The following PRKCG variants were observed in gnomAD, a reference collection of about 807,000 sequenced individuals.
PRKCG encodes the protein protein kinase C gamma type.
Under a neutral mutation model 82.0 loss-of-function variants are expected in PRKCG, and 28 were observed. The observed-to-expected ratio is 0.34, with a 90% CI of 0.25 to 0.47. The LOEUF is 0.47. Among genes scored for constraint, PRKCG ranks in the 20% least tolerant of loss-of-function variants. The pLI is 1.00. For synonymous variants in PRKCG, 383 were observed against 376.6 expected (o/e 1.02, Z -0.20); for missense variants, 640 against 952.7 (o/e 0.67, Z 4.32).
intron 14 of PRKCG, 33 bp from the exon 15 acceptor site, chr19:53,903,040 G>T (rs747214794): frequency 1.3e-5 from 20 of 1,554,100 alleles, no homozygotes; most frequent in Non-Finnish European, 1.8e-5. Context: ...CCTAAAGAAC[G>T]CATCATGATT....
Position 53,906,099 on chromosome 19 carries a change from TC to T in PRKCG, c.1765-217del, listed in dbSNP as rs1599956093. On this transcript the variant is annotated intron_variant, in intron 16 of 17. Coordinates refer to ENST00000263431, the MANE Select transcript of PRKCG (RefSeq NM_002739.5). ...TCCTCCTCCTCCTTCTTCTTCTTCT[TC>T]TTCTTCTTCTTCTTCTTCTTTTCTT... Among the ~76,000 whole-genome samples the T allele has an allele frequency of 2.9e-4, 26 of 88,908 alleles. 2 individuals are homozygous for T. The highest frequency in any genetic ancestry group is 2.0e-3 in the South Asian group (5 of 2,564). 58.3% of individuals were successfully genotyped at this position (88,908 alleles called of 152,430 possible). A position where few individuals can be genotyped will look rare whatever the true frequency, so the allele number is the denominator to read the frequency against.
At chr19:53,901,882 C>A (rs1408548569) in intron 14 of PRKCG, among the ~76,000 whole-genome samples, 1 of 149,836 alleles carries the variant, frequency 6.7e-6, no homozygotes. Context: ...AGAAAAAGGG[C>A]AGGGTGAGAT....
In PRKCG at chr19:53,883,201, G is replaced by T. The variant is rs1353648132; in HGVS notation, c.202+7G>T. 1 of 1,613,966 alleles carries T rather than the reference G, an allele frequency of 6.2e-7. No homozygotes were observed. The highest frequency in any genetic ancestry group is 8.5e-7 in the Non-Finnish European group (1 of 1,179,978). On this transcript the variant is annotated splice_region_variant and intron_variant, in intron 2 of 17. Coordinates refer to ENST00000263431, the MANE Select transcript of PRKCG (RefSeq NM_002739.5). This position sits in a 1 kb window ranked among gnomAD's most constrained non-coding sequence, Gnocchi z 5.4. ...CAGGGCCTGCAATGTCAAGGTAAGA[G>T]CTGGGGACCGGGGCTCCTGGGACCC...
In PRKCG at chr19:53,893,402, C is replaced by T; in HGVS notation, c.939+11C>T. 6.2e-7 allele frequency: 1 copy of T among 1,612,634 alleles called. No individual in the cohort carries two copies. Among genetic ancestry groups the T allele is most frequent in the South Asian group, 1.1e-5 (1 of 91,070 alleles). Reference sequence around the variant, plus strand: ...CTGGAATTGTATGAGGTGAGTAGAACCAGGGCGTTGAATGGAGGCAGTTTT... The same window carrying T: ...CTGGAATTGTATGAGGTGAGTAGAATCAGGGCGTTGAATGGAGGCAGTTTT... On this transcript the variant is annotated intron_variant, in intron 9 of 17. Transcript: ENST00000263431.
intron 15 of PRKCG, among the ~76,000 whole-genome samples, chr19:53,903,768 C>G (rs1331481238): frequency 6.6e-6 from 1 of 152,116 alleles, no homozygotes; most frequent in Non-Finnish European, 1.5e-5. Context: ...CAAAAGAAAT[C>G]AATCATTTTG....
At chr19:53,894,561 G>A (rs2068704421) in intron 9 of PRKCG, among the ~76,000 whole-genome samples, 1 of 151,626 alleles carries the variant, frequency 6.6e-6, no homozygotes, top group South Asian at 2.1e-4. Context: ...CCAGATTCAA[G>A]TGATTCTCCT....
chr19:53,883,310 C>T lies in PRKCG; in HGVS notation c.202+116C>T, dbSNP rs1490304322. ...GTCCCCAGAGAGGCGCGGGGGAGCC[C>T]GGGGCGGGGGGTGTGGCAGAGACAC... On this transcript the variant is annotated intron_variant, in intron 2 of 17. Coordinates refer to ENST00000263431, the MANE Select transcript of PRKCG (RefSeq NM_002739.5). The surrounding 1 kb of genome is among the most constrained non-coding windows in gnomAD (Gnocchi z 5.4). The T allele has an allele frequency of 2.3e-6, 3 of 1,282,308 alleles. No homozygotes were observed. In the East Asian group the frequency reaches 7.1e-5, roughly 31 times the overall value. 79.4% of individuals were successfully genotyped at this position (1,282,308 alleles called of 1,614,324 possible). A position where few individuals can be genotyped will look rare whatever the true frequency, so the allele number is the denominator to read the frequency against.
In PRKCG at chr19:53,891,787, G is replaced by A; in HGVS notation, c.643G>A (p.Val215Met). The change falls in exon 6 of 18, where the codon GTG becomes ATG. Residue 215 changes from valine (V) to methionine (M), a missense_variant. Transcript: ENST00000263431. ...RNLTKQKTRT[V>M]KATLNPVWNE... ...CCTGACGAAACAGAAGACCCGAACGGTGAAAGCCACGCTAAACCCTGTGTG... is the reference window on the plus strand; with the variant it reads ...CCTGACGAAACAGAAGACCCGAACGATGAAAGCCACGCTAAACCCTGTGTG... The A allele has an allele frequency of 1.9e-6, 3 of 1,614,088 alleles. No individual in the cohort carries two copies. The highest frequency in any genetic ancestry group is 2.5e-6 in the Non-Finnish European group (3 of 1,180,016).
chr19:53,890,605 G>A (rs113387369), intron 5 of PRKCG, among the ~76,000 whole-genome samples: 2,866 of 151,020 alleles, frequency 0.019, 29 homozygotes, highest in Middle Eastern at 0.038. Flanking sequence ...TTTTTGAGAT[G>A]GAGTCTTGCT....
In PRKCG at chr19:53,900,295, G is replaced by C. The variant is rs1340803242; in HGVS notation, c.1344G>C (p.Gln448His). The C allele has an allele frequency of 6.2e-7, 1 of 1,614,172 alleles. No homozygotes were observed. The highest frequency in any genetic ancestry group is 1.7e-5 in the Admixed American group (1 of 60,024). ...TGGDLMYHIQ[Q>H]LGKFKEPHAA... The stretch of plus-strand genomic sequence containing the variant: ...GAGACTTGATGTACCACATTCAACA[G>C]CTGGGCAAGTTTAAGGAGCCCCATG... Residue 448 changes from glutamine (Q) to histidine (H), a missense_variant, in exon 12 of 18, where the codon CAG becomes CAC. By Grantham distance (24) the Gln-to-His change is conservative. This residue lies in a region of PRKCG where 78 missense variants were observed against 105.6 expected (regional missense o/e 0.74). Coordinates refer to ENST00000263431, the MANE Select transcript of PRKCG (RefSeq NM_002739.5). The surrounding 1 kb of genome is among the most constrained non-coding windows in gnomAD (Gnocchi z 4.2).
intron 16 of PRKCG, 58 bp from the exon 17 acceptor site, chr19:53,906,259 T>A: frequency 6.5e-7 from 1 of 1,548,506 alleles, no homozygotes; most frequent in Non-Finnish European, 8.7e-7. Flanking sequence ...TTTCTCTGGG[T>A]CTACCTGTCC....
chr19:53,906,313 A>T lies in PRKCG; in HGVS notation c.1765-4A>T. 5 of 1,550,448 alleles carry T rather than the reference A, an allele frequency of 3.2e-6. No homozygotes were observed. Among genetic ancestry groups the T allele is most frequent in the Non-Finnish European group, 4.4e-6 (5 of 1,146,734 alleles). The stretch of plus-strand genomic sequence containing the variant: ...CTGTCTGTCTCTCTCTGTGTTTCCC[A>T]CAGTTCCTGACCAAGCACCCAGGGA... On this transcript the variant is annotated splice_region_variant and splice_polypyrimidine_tract_variant and intron_variant, in intron 16 of 17. Coordinates refer to ENST00000263431, the MANE Select transcript of PRKCG (RefSeq NM_002739.5).
At chr19:53,897,095 A>G (rs1014777515) in intron 9 of PRKCG, among the ~76,000 whole-genome samples, 1 of 152,198 alleles carries the variant, frequency 6.6e-6, no homozygotes, top group African/African-American at 2.4e-5. Flanking sequence ...TGGCTGGACC[A>G]TGGAGCCTGG....
intron 17 of PRKCG, 58 bp from the exon 18 acceptor site, chr19:53,906,649 G>C: frequency 6.3e-7 from 1 of 1,589,532 alleles, no homozygotes. Context: ...GGTACACAGA[G>C]GGACACCCGA....
At chr19:53,903,233 AAGG>A (rs2068778237) in intron 15 of PRKCG, 80 bp downstream of exon 15, 1 of 1,120,720 alleles carries the variant, frequency 8.9e-7, no homozygotes. Flanking sequence ...GCCAGTTAGA[AAGG>A]AGCCCAGAAG....
At position 53,900,318 on chromosome 19, in the gene PRKCG, A is replaced by G. The variant is rs771892093; in HGVS notation, c.1367A>G (p.His456Arg). 2.5e-6 allele frequency: 4 copies of G among 1,613,982 alleles called. No individual in the cohort carries two copies. The highest frequency in any genetic ancestry group is 1.1e-5 in the South Asian group (1 of 91,074). The change falls in exon 12 of 18, where the codon CAT (histidine) becomes CGT (arginine). Residue 456 changes from histidine to arginine, a missense_variant. By Grantham distance (29) the His-to-Arg change is conservative. Transcript: ENST00000263431. This position sits in a 1 kb window ranked among gnomAD's most constrained non-coding sequence, Gnocchi z 4.2. The stretch of plus-strand genomic sequence containing the variant: ...CAGCTGGGCAAGTTTAAGGAGCCCC[A>G]TGCAGCGTGAGTCTCGGCCAACAGA... ...IQQLGKFKEP[H>R]AAFYAAEIAI...
chr19:53,899,436 A>C (rs922446905), intron 11 of PRKCG, among the ~76,000 whole-genome samples: 1 of 152,212 alleles, frequency 6.6e-6, no homozygotes, highest in African/African-American at 2.4e-5. Context: ...TGAAGGACAC[A>C]TCAGAAACAG....
chr19:53,905,952 GTCTC>G (rs1029473371), intron 16 of PRKCG, among the ~76,000 whole-genome samples: 4 of 120,858 alleles, frequency 3.3e-5, no homozygotes, highest in Admixed American at 2.5e-4. Context: ...CTCACCCTCT[GTCTC>G]TCTCTCTCTC....
intron 9 of PRKCG, among the ~76,000 whole-genome samples, chr19:53,895,413 G>A (rs755596307): frequency 3.8e-4 from 57 of 151,050 alleles, no homozygotes; most frequent in African/African-American, 1.2e-3. Flanking sequence ...GCTGGATTCC[G>A]GGAAGTAGAG....
Sources: gnomAD v4.1 joint callset for allele counts (sites outside exome capture counted in the v4.1 genomes callset) on GRCh38, gnomAD v4.1.1 for gene constraint, gnomAD v4.1.1 regional missense constraint, Gnocchi (gnomAD v3.1) non-coding constraint, MANE v1.5 for transcripts, NCBI Gene and HGNC (gene_info 2026-07-23, HGNC 2026-07-21) for gene names.